FBLN1: variants seen among roughly 807,000 people sequenced by gnomAD.
The protein encoded by FBLN1 is fibulin-1.
In FBLN1, 34 loss-of-function variants were observed where a neutral mutation model predicts 89.7. The observed-to-expected ratio is 0.38, with a 90% confidence interval of 0.29 to 0.50. FBLN1 has a LOEUF of 0.50. FBLN1 is among the 20% of genes least tolerant of loss of function. FBLN1 has a pLI of 0.92. For synonymous variants in FBLN1, 393 were observed against 391.3 expected, an observed-to-expected ratio of 1.00 and a Z score of -0.05; for missense variants, 777 against 988.1, an observed-to-expected ratio of 0.79 and a Z score of 2.86.
At chr22:45,571,496 G>A (rs376771514) in intron 14 of FBLN1, among the ~76,000 whole-genome samples, 51 of 152,298 alleles carry the variant, frequency 3.3e-4, no homozygotes, top group African/African-American at 1.2e-3. Flanking sequence ...GAGCCGAATA[G>A]GGAGAGCATA....
chr22:45,570,558 C>T (rs1474986702), intron 14 of FBLN1, among the ~76,000 whole-genome samples: 1 of 151,396 alleles, frequency 6.6e-6, no homozygotes, highest in Admixed American at 6.6e-5. Context: ...TTTTAAAAAT[C>T]AAGAAAGAAA....
intron 7 of FBLN1, 90 bp downstream of exon 7, chr22:45,533,988 C>A: frequency 6.4e-7 from 1 of 1,561,602 alleles, no homozygotes; most frequent in Non-Finnish European, 8.8e-7. Context: ...TGGGCTCCCG[C>A]AGTCCTGCGC....
rs2088668490 is a variant in FBLN1, at chr22:45,549,055, C to CAT, written c.1573+311_1573+312insAT. 6.6e-5 allele frequency among the ~76,000 whole-genome samples: 10 copies of CAT among 152,314 alleles called. No homozygotes were observed. The South Asian group carries it at 2.1e-3, about 32-fold the overall frequency. The stretch of plus-strand genomic sequence containing the variant: ...AGCCCCGTAAAGGCTGGAACAGAGG[C>CAT]CTTTAGGAAGATGCCCGCCAGGGAG... On this transcript the variant is annotated intron_variant, in intron 13 of 16. Transcript: ENST00000327858. This position sits in a 1 kb window ranked among gnomAD's most constrained non-coding sequence, Gnocchi z 5.7.
At chr22:45,505,568 C>G (rs544138369) in intron 1 of FBLN1, among the ~76,000 whole-genome samples, 176 of 152,252 alleles carry the variant, frequency 1.2e-3, no homozygotes, top group Non-Finnish European at 2.0e-3. Flanking sequence ...TAGGGGCACG[C>G]GGCTGACTCA....
intron 1 of FBLN1, among the ~76,000 whole-genome samples, chr22:45,508,070 A>T (rs1313900570): frequency 6.6e-6 from 1 of 151,962 alleles, no homozygotes; most frequent in Non-Finnish European, 1.5e-5. Flanking sequence ...CCCCTGCCCC[A>T]GTTCACCTGT....
chr22:45,565,308 T>A, intron 14 of FBLN1: 1 of 1,272,654 alleles, frequency 7.9e-7, no homozygotes, highest in African/African-American at 1.5e-5. Flanking sequence ...TGGCCTGATC[T>A]GGCCTCTGCC....
rs1005443879 is a variant in FBLN1, at chr22:45,562,839, G to A, written c.1698-11672G>A. On this transcript the variant is annotated intron_variant, in intron 14 of 16. Coordinates refer to ENST00000327858, the MANE Select transcript of FBLN1 (RefSeq NM_006486.3). This position sits in a 1 kb window ranked among gnomAD's most constrained non-coding sequence, Gnocchi z 7.8. ...CCCCGCCTGCCAGCCCCGCATCCCC[G>A]CGCTCTGCCGTTTCTCCGCTTGCTG... is the stretch of plus-strand genomic sequence containing the variant. 50 of 1,465,802 alleles carry A rather than the reference G, an allele frequency of 3.4e-5. No individual in the cohort carries two copies. The highest frequency in any genetic ancestry group is 1.0e-4 in the Admixed American group (6 of 59,858). 90.8% of individuals were successfully genotyped at this position (1,465,802 alleles called of 1,614,324 possible). A position where few individuals can be genotyped will look rare whatever the true frequency, so the allele number is the denominator to read the frequency against.
Position 45,563,399 on chromosome 22 carries a change from A to G in FBLN1, c.1698-11112A>G. 1.3e-6 allele frequency: 2 copies of G among 1,525,082 alleles called. No homozygotes were observed. Among genetic ancestry groups the G allele is most frequent in the Non-Finnish European group, 1.8e-6 (2 of 1,140,506 alleles). The allele number at this position is 1,525,082 out of a possible 1,614,324, so 94.5% of individuals were successfully genotyped here. ...CTTGGTTTTATTTGGCATGGTTGGG[A>G]GTCTGTGCCGCTTGTTACCCGGGGG... On this transcript the variant is annotated intron_variant, in intron 14 of 16. Transcript: ENST00000327858. This position sits in a 1 kb window ranked among gnomAD's most constrained non-coding sequence, Gnocchi z 5.7.
In FBLN1 at chr22:45,556,666, G is replaced by T. The variant is rs902021540; in HGVS notation, c.1697+6051G>T. Among the ~76,000 whole-genome samples, 1 of 152,070 alleles carries T rather than the reference G, an allele frequency of 6.6e-6. No homozygotes were observed. The highest frequency in any genetic ancestry group is 1.5e-5 in the Non-Finnish European group (1 of 68,014). ...GACTGATTTCATCTTGATAGTCTGG[G>T]TCAGCCACCCCAGCCAACACTGTAA... is the stretch of plus-strand genomic sequence containing the variant. On this transcript the variant is annotated intron_variant, in intron 14 of 16. Coordinates refer to ENST00000327858, the MANE Select transcript of FBLN1 (RefSeq NM_006486.3). The surrounding 1 kb of genome is among the most constrained non-coding windows in gnomAD (Gnocchi z 4.6).
intron 3 of FBLN1, 113 bp downstream of exon 3, chr22:45,525,791 C>G: frequency 7.2e-7 from 1 of 1,392,226 alleles, no homozygotes; most frequent in Non-Finnish European, 1.0e-6. Flanking sequence ...GGCCACCTTT[C>G]TTTGTGAGCA....
At position 45,530,110 on chromosome 22, in the gene FBLN1, A is replaced by T. The variant is rs921434030; in HGVS notation, c.485-1155A>T. On this transcript the variant is annotated intron_variant, in intron 4 of 16. Coordinates refer to ENST00000327858, the MANE Select transcript of FBLN1 (RefSeq NM_006486.3). This position sits in a 1 kb window ranked among gnomAD's most constrained non-coding sequence, Gnocchi z 5.4. Reference sequence around the variant, plus strand: ...CTTAGTTTTTCAAGTCCAGGGCCCCATGGATGCCACTGAGATGATTTCAGA... The same window carrying T: ...CTTAGTTTTTCAAGTCCAGGGCCCCTTGGATGCCACTGAGATGATTTCAGA... Among the ~76,000 whole-genome samples, 24 of 152,124 alleles carry T rather than the reference A, an allele frequency of 1.6e-4. No homozygotes were observed. The highest frequency in any genetic ancestry group is 1.6e-3 in the Admixed American group (24 of 15,274).
chr22:45,546,967 C>G, intron 11 of FBLN1, 118 bp from the exon 12 acceptor site: 1 of 1,522,840 alleles, frequency 6.6e-7, no homozygotes, highest in Non-Finnish European at 9.0e-7. Context: ...CTCTGTCTCT[C>G]CGAGTGTGTT....
rs576903318 is a variant in FBLN1 at position 45,537,122 on chromosome 22, C to T, written c.922+1785C>T. Among the ~76,000 whole-genome samples the T allele has an allele frequency of 4.6e-5, 7 of 152,318 alleles. No individual in the cohort carries two copies. In the South Asian group the frequency reaches 8.3e-4, roughly 18 times the overall value. ...GAGAAGAGGTGAGGAATCCGAGCTA[C>T]AGATCACACTAGTCAGAACCTCCCC... On this transcript the variant is annotated intron_variant, in intron 8 of 16. Coordinates refer to ENST00000327858, the MANE Select transcript of FBLN1 (RefSeq NM_006486.3). The surrounding 1 kb of genome is among the most constrained non-coding windows in gnomAD (Gnocchi z 5.7).
rs148145990 is a variant in FBLN1, at chr22:45,597,894, G to A, written c.1973-2413G>A. 2.2e-4 allele frequency among the ~76,000 whole-genome samples: 34 copies of A among 152,236 alleles called. No individual in the cohort carries two copies. Among genetic ancestry groups the A allele is most frequent in the African/African-American group, 7.5e-4 (31 of 41,546 alleles). On this transcript the variant is annotated intron_variant, in intron 16 of 16. Coordinates refer to ENST00000327858, the MANE Select transcript of FBLN1 (RefSeq NM_006486.3). This position sits in a 1 kb window ranked among gnomAD's most constrained non-coding sequence, Gnocchi z 4.2. The stretch of plus-strand genomic sequence containing the variant: ...GAAACATAAGCCCAGAGAGCGAAAG[G>A]GGGGAACGTTGTGCCCAGATTCTCT...
At chr22:45,517,826 T>C (rs1289255383) in intron 1 of FBLN1, 1 of 358,906 alleles carries the variant, frequency 2.8e-6, no homozygotes, top group African/African-American at 2.2e-5. Context: ...TCACAGAAGC[T>C]GGTCTAGAAA....
At chr22:45,525,517 T>A in intron 2 of FBLN1, 26 bp from the exon 3 acceptor site, 2 of 1,548,556 alleles carry the variant, frequency 1.3e-6, no homozygotes, top group Non-Finnish European at 1.7e-6. Context: ...CACAGAGCCT[T>A]GGCCCAGCCC....
intron 6 of FBLN1, among the ~76,000 whole-genome samples, chr22:45,533,407 G>A (rs1032368367): frequency 6.6e-6 from 1 of 152,176 alleles, no homozygotes; most frequent in Non-Finnish European, 1.5e-5. Flanking sequence ...GGTCTAACCA[G>A]GTTCCGGATC....
In FBLN1 at chr22:45,575,198, G is replaced by A. The variant is rs75877989; in HGVS notation, c.1840+545G>A. On this transcript the variant is annotated intron_variant, in intron 15 of 16. Coordinates refer to ENST00000327858, the MANE Select transcript of FBLN1 (RefSeq NM_006486.3). The surrounding 1 kb of genome is among the most constrained non-coding windows in gnomAD (Gnocchi z 6.3). ...TGGTCTTTTCTTATGGGTAACGGTTGTTCTGCAGAGAGCCATTAAGCGCTG... is the reference window on the plus strand; with the variant it reads ...TGGTCTTTTCTTATGGGTAACGGTTATTCTGCAGAGAGCCATTAAGCGCTG... 6.2e-3 allele frequency among the ~76,000 whole-genome samples: 938 copies of A among 152,280 alleles called. 6 individuals are homozygous for A. The highest frequency in any genetic ancestry group is 9.9e-3 in the Non-Finnish European group (676 of 68,026).
chr22:45,525,119 G>A (rs2097521), intron 2 of FBLN1, among the ~76,000 whole-genome samples: 24,063 of 123,208 alleles, frequency 0.2, 2,264 homozygotes, highest in East Asian at 0.48. Context: ...GAGAGAGAGA[G>A]AGAAAGAAAA....
Sources: gnomAD v4.1 joint callset for allele counts (sites outside exome capture counted in the v4.1 genomes callset) on GRCh38, gnomAD v4.1.1 for gene constraint, Gnocchi (gnomAD v3.1) non-coding constraint, MANE v1.5 for transcripts, NCBI Gene and HGNC (gene_info 2026-07-23, HGNC 2026-07-21) for gene names.